The following EYA4 variants were observed in gnomAD, a reference collection of about 807,000 sequenced individuals.
The protein encoded by EYA4 is protein phosphatase EYA4.
Under a neutral mutation model 87.9 loss-of-function variants are expected in EYA4, and 31 were observed. The observed-to-expected ratio is 0.35, with a 90% CI of 0.27 to 0.48. The LOEUF (loss-of-function observed/expected upper bound fraction) is 0.48, where lower values mean the gene tolerates loss of function less well. Ranked by LOEUF, EYA4 falls within the 20% of genes least tolerant of loss-of-function variation. The pLI, the probability that EYA4 is intolerant of heterozygous loss-of-function variation, is 0.99. For missense variants in EYA4, 678 were observed against 761.4 expected, an observed-to-expected ratio of 0.89 and a Z score of 1.29; for synonymous variants, 263 against 270.6, an observed-to-expected ratio of 0.97 and a Z score of 0.28.
chr6:133,376,510 A>C (rs1399440187), intron 2 of EYA4, among the ~76,000 whole-genome samples: 1 of 151,888 alleles, frequency 6.6e-6, no homozygotes, highest in African/African-American at 2.4e-5. Context: ...ATTCCCATTA[A>C]TGTTTCACGA....
At chr6:133,297,092 C>G (rs921454506) in intron 2 of EYA4, among the ~76,000 whole-genome samples, 2 of 152,180 alleles carry the variant, frequency 1.3e-5, no homozygotes, top group Non-Finnish European at 2.9e-5. Context: ...AAATTTTCCT[C>G]AATATGTAAT....
rs139880833 is a variant in EYA4 at position 133,257,027 on chromosome 6, A to T, written c.-66+15278A>T. 5.9e-5 allele frequency among the ~76,000 whole-genome samples: 9 copies of T among 152,266 alleles called. No homozygotes were observed. The East Asian group carries it at 1.7e-3, about 29-fold the overall frequency. On this transcript the variant is annotated intron_variant, in intron 1 of 19. Coordinates refer to ENST00000355286, the MANE Select transcript of EYA4 (RefSeq NM_004100.5). ...ACTTACACATATAAAACTGAAAATT[A>T]TATTACTATGGGGAAGCTGCTTTGT...
At chr6:133,459,277 A>G (rs1288900184) in intron 6 of EYA4, among the ~76,000 whole-genome samples, 1 of 152,140 alleles carries the variant, frequency 6.6e-6, no homozygotes, top group Non-Finnish European at 1.5e-5. Flanking sequence ...GAGGCTTTAT[A>G]GTGTTGTGAG....
At chr6:133,332,829 T>G (rs1168297487) in intron 2 of EYA4, among the ~76,000 whole-genome samples, 1 of 151,700 alleles carries the variant, frequency 6.6e-6, no homozygotes, top group Non-Finnish European at 1.5e-5. Flanking sequence ...CGCAGAGTGC[T>G]GGGATTACAG....
intron 3 of EYA4, among the ~76,000 whole-genome samples, chr6:133,396,021 T>TC (rs1787761965): frequency 6.6e-6 from 1 of 152,194 alleles, no homozygotes; most frequent in East Asian, 1.9e-4. Flanking sequence ...CTCCCCCTTC[T>TC]TTTCTCCCTT....
intron 10 of EYA4, 110 bp from the exon 11 acceptor site, chr6:133,468,456 C>G (rs1795035750): frequency 1.1e-6 from 1 of 906,788 alleles, no homozygotes. Flanking sequence ...GACTCAGAAA[C>G]AAATGGGGCT....
chr6:133,530,417 G>C lies in EYA4; in HGVS notation c.*1612G>C, dbSNP rs571675814. 5.1e-6 allele frequency: 5 copies of C among 985,288 alleles called. No individual in the cohort carries two copies. Among genetic ancestry groups the C allele is most frequent in the African/African-American group, 1.7e-5 (1 of 57,196 alleles). The allele number at this position is 985,288 out of a possible 1,614,324, so 61.0% of individuals were successfully genotyped here. On this transcript the variant is annotated 3_prime_UTR_variant, in exon 20 of 20. Transcript: ENST00000355286. ...TTTCCTATGACACGATTTCCCTTGT[G>C]GAAATTTAAGACTTTAAGAACTAGA... is the stretch of plus-strand genomic sequence containing the variant.
chr6:133,344,311 T>C (rs1305335184), intron 2 of EYA4, among the ~76,000 whole-genome samples: 1 of 152,262 alleles, frequency 6.6e-6, no homozygotes, highest in Non-Finnish European at 1.5e-5. Context: ...ATTTCAAATA[T>C]ATGTGACAAG....
At chr6:133,311,072 GCTTATTCCCCACATACAT>G in intron 2 of EYA4, among the ~76,000 whole-genome samples, 1 of 151,848 alleles carries the variant, frequency 6.6e-6, no homozygotes, top group South Asian at 2.1e-4. Context: ...TTTTCTTCTT[GCTTATTCCCCACATACAT>G]TCTCTTAGTA....
intron 2 of EYA4, chr6:133,360,436 G>C (rs1298081943): frequency 6.6e-6 from 1 of 152,210 alleles, no homozygotes; most frequent in Admixed American, 6.5e-5. Flanking sequence ...GACTATGAAA[G>C]GGTGGTAGGA....
At chr6:133,260,307 G>T (rs1775693955) in intron 1 of EYA4, among the ~76,000 whole-genome samples, 2 of 151,926 alleles carry the variant, frequency 1.3e-5, no homozygotes, top group African/African-American at 4.8e-5. Flanking sequence ...GCACGATCTT[G>T]GCTTACTGCA....
intron 3 of EYA4, among the ~76,000 whole-genome samples, chr6:133,437,383 A>G (rs1026248504): frequency 6.6e-6 from 1 of 152,218 alleles, no homozygotes; most frequent in African/African-American, 2.4e-5. Context: ...GGCATCAGAT[A>G]AACATGAGTT....
intron 2 of EYA4, among the ~76,000 whole-genome samples, chr6:133,290,632 T>A (rs1030292485): frequency 2.0e-5 from 3 of 152,218 alleles, no homozygotes; most frequent in Non-Finnish European, 4.4e-5. Context: ...CTTGCCCACT[T>A]AATCTCCTTT....
intron 5 of EYA4, chr6:133,452,844 A>C (rs958517056): frequency 6.6e-6 from 1 of 152,104 alleles, no homozygotes; most frequent in African/African-American, 2.4e-5. Context: ...ACTTTTAGCA[A>C]AACGAGCTCT....
At chr6:133,498,040 AT>A (rs1244688912) in intron 13 of EYA4, among the ~76,000 whole-genome samples, 2 of 152,238 alleles carry the variant, frequency 1.3e-5, no homozygotes, top group African/African-American at 4.8e-5. Flanking sequence ...GTCTACACAC[AT>A]TTGTGCAGAA....
At chr6:133,277,146 G>T (rs1777245967) in intron 2 of EYA4, among the ~76,000 whole-genome samples, 1 of 152,158 alleles carries the variant, frequency 6.6e-6, no homozygotes, top group African/African-American at 2.4e-5. Context: ...GGGATTCTTT[G>T]GGTGTAGACA....
rs1000098998 is a variant in EYA4, at chr6:133,445,577, C to CT, written c.84-1039dup. ...TTTTTCCTAGTTTCCTTTCCTTTTT[C>CT]TTTTTTTTTTTTTTCTTTTGAAACA... On this transcript the variant is annotated intron_variant, in intron 3 of 19. Coordinates refer to ENST00000355286, the MANE Select transcript of EYA4 (RefSeq NM_004100.5). Among the ~76,000 whole-genome samples, 843 of 141,580 alleles carry CT rather than the reference C, an allele frequency of 6.0e-3. 4 individuals are homozygous for CT. Among genetic ancestry groups the CT allele is most frequent in the African/African-American group, 0.015 (602 of 39,096 alleles). 92.9% of individuals were successfully genotyped at this position (141,580 alleles called of 152,430 possible). A position where few individuals can be genotyped will look rare whatever the true frequency, so the allele number is the denominator to read the frequency against.
At chr6:133,258,818 T>C (rs1296625557) in intron 1 of EYA4, among the ~76,000 whole-genome samples, 1 of 152,110 alleles carries the variant, frequency 6.6e-6, no homozygotes, top group African/African-American at 2.4e-5. Context: ...GCAAACCACA[T>C]CTTCCTGTAG....
intron 1 of EYA4, among the ~76,000 whole-genome samples, chr6:133,251,218 A>G (rs1774873236): frequency 6.6e-6 from 1 of 152,214 alleles, no homozygotes; most frequent in Non-Finnish European, 1.5e-5. Flanking sequence ...GTATAATGGT[A>G]GTACTTTATA....
Sources: allele counts gnomAD v4.1 joint callset (sites outside exome capture counted in the v4.1 genomes callset), GRCh38; gene constraint gnomAD v4.1.1; transcripts MANE v1.5; gene names NCBI Gene and HGNC (gene_info 2026-07-23, HGNC 2026-07-21).